UCK2: variants seen among roughly 807,000 people sequenced by gnomAD.
UCK2 encodes the protein uridine-cytidine kinase 2.
A neutral mutation model predicts 30.8 loss-of-function variants in UCK2; 6 were observed. The ratio of observed to expected loss-of-function variants is 0.19; its 90% CI spans 0.11 to 0.38. The LOEUF (loss-of-function observed/expected upper bound fraction) is 0.38. UCK2 is among the 10% of genes least tolerant of loss of function. The pLI, the probability that UCK2 is intolerant of heterozygous loss-of-function variation, is 1.00. For missense variants in UCK2, 210 were observed against 339.8 expected (o/e 0.62, Z 3.00); for synonymous variants, 125 against 133.6 (o/e 0.94, Z 0.45).
chr1:165,891,576 A>C (rs3762365), intron 3 of UCK2: 248,806 of 410,144 alleles, frequency 0.61, 76,034 homozygotes, highest in Admixed American at 0.71. Flanking sequence ...AGGATGGGAT[A>C]GTGATTTCAG....
rs1444687496 is a variant in UCK2, at chr1:165,856,864, A to G, written c.99+28932A>G. ...AGTATTCAGAGCCTGAGAATTAAGG[A>G]TATGTGTTAAATATGGCCCTCATAG... On this transcript the variant is annotated intron_variant, in intron 1 of 6. Transcript: ENST00000367879. 2.0e-5 allele frequency among the ~76,000 whole-genome samples: 3 copies of G among 150,320 alleles called. No homozygotes were observed. The East Asian group carries it at 5.9e-4, about 30-fold the overall frequency.
At chr1:165,872,636 A>G (rs1655224194) in intron 1 of UCK2, among the ~76,000 whole-genome samples, 1 of 152,256 alleles carries the variant, frequency 6.6e-6, no homozygotes, top group Non-Finnish European at 1.5e-5. Context: ...AAGTTGAGAC[A>G]TAATTTATGT....
chr1:165,843,495 C>T (rs552092953), intron 1 of UCK2, among the ~76,000 whole-genome samples: 18 of 152,224 alleles, frequency 1.2e-4, no homozygotes, highest in African/African-American at 4.3e-4. Flanking sequence ...GGATTGATGA[C>T]TCAATGCCTG....
chr1:165,863,895 G>A (rs1420854655), intron 1 of UCK2, among the ~76,000 whole-genome samples: 4 of 152,150 alleles, frequency 2.6e-5, no homozygotes, highest in South Asian at 4.1e-4. Context: ...CTTATATAAC[G>A]TATTTGTTAA....
chr1:165,885,437 C>G, intron 1 of UCK2: 1 of 398,216 alleles, frequency 2.5e-6, no homozygotes, highest in Admixed American at 4.4e-5. Flanking sequence ...TTTGTTTTTT[C>G]CTTTCTTAAA....
At chr1:165,869,502 A>G (rs986527705) in intron 1 of UCK2, among the ~76,000 whole-genome samples, 2 of 151,940 alleles carry the variant, frequency 1.3e-5, no homozygotes, top group Non-Finnish European at 1.5e-5. Context: ...GAGTTCCTAT[A>G]CTGTTTTCTA....
At chr1:165,882,677 A>T (rs1655526872) in intron 1 of UCK2, among the ~76,000 whole-genome samples, 1 of 152,196 alleles carries the variant, frequency 6.6e-6, no homozygotes, top group African/African-American at 2.4e-5. Context: ...GCAGAAGAGC[A>T]GAAGAGAATG....
chr1:165,874,904 G>A (rs925141298), intron 1 of UCK2, among the ~76,000 whole-genome samples: 1 of 152,128 alleles, frequency 6.6e-6, no homozygotes, highest in African/African-American at 2.4e-5. Context: ...GGTACATAAT[G>A]TATGAACACT....
rs78425077 is a variant in UCK2 at position 165,868,498 on chromosome 1, G to A, written c.100-21706G>A. Among the ~76,000 whole-genome samples the A allele has an allele frequency of 9.4e-3, 1,436 of 152,282 alleles. 32 individuals carry two copies. Among genetic ancestry groups the A allele is most frequent in the Admixed American group, 0.051 (773 of 15,284 alleles). On this transcript the variant is annotated intron_variant, in intron 1 of 6. Transcript: ENST00000367879. ...ATCAGTTATTTTAGCTAGATCTTCTGGATAACTTGCTACAGCTTCTACATC... is the reference window on the plus strand; with the variant it reads ...ATCAGTTATTTTAGCTAGATCTTCTAGATAACTTGCTACAGCTTCTACATC...
chr1:165,904,057 T>G (rs1485712916), intron 5 of UCK2: 1 of 152,162 alleles, frequency 6.6e-6, no homozygotes, highest in Non-Finnish European at 1.5e-5. Context: ...GAATTATTTA[T>G]AGTTAAGCTC....
At chr1:165,849,646 T>G (rs957157391) in intron 1 of UCK2, among the ~76,000 whole-genome samples, 3 of 152,226 alleles carry the variant, frequency 2.0e-5, no homozygotes, top group Non-Finnish European at 4.4e-5. Flanking sequence ...AATTTCTGCT[T>G]AAAACAGAGT....
intron 4 of UCK2, among the ~76,000 whole-genome samples, chr1:165,898,331 T>C (rs1325897414): frequency 2.6e-5 from 4 of 152,230 alleles, no homozygotes; most frequent in Non-Finnish European, 4.4e-5. Flanking sequence ...TGATTGGTAC[T>C]TCTGGGATAG....
At chr1:165,842,636 G>A (rs924740548) in intron 1 of UCK2, among the ~76,000 whole-genome samples, 4 of 152,118 alleles carry the variant, frequency 2.6e-5, no homozygotes, top group Admixed American at 2.0e-4. Context: ...TCTTGCCTGG[G>A]TAACTCTCCA....
At chr1:165,877,693 G>A (rs1312305626) in intron 1 of UCK2, among the ~76,000 whole-genome samples, 1 of 152,116 alleles carries the variant, frequency 6.6e-6, no homozygotes, top group Non-Finnish European at 1.5e-5. Context: ...TCTAATTTTT[G>A]GCTCTAACAA....
At chr1:165,881,497 C>T (rs1417682409) in intron 1 of UCK2, among the ~76,000 whole-genome samples, 1 of 152,102 alleles carries the variant, frequency 6.6e-6, no homozygotes, top group African/African-American at 2.4e-5. Context: ...TGAAGCCAGC[C>T]CATCTGACTT....
At chr1:165,906,110 T>C in intron 6 of UCK2, 141 bp downstream of exon 6, 1 of 774,784 alleles carries the variant, frequency 1.3e-6, no homozygotes, top group Non-Finnish European at 2.1e-6. Context: ...GCAGAACCTT[T>C]CCACCTACAC....
intron 4 of UCK2, 70 bp downstream of exon 4, chr1:165,896,402 A>G: frequency 6.4e-7 from 1 of 1,573,336 alleles, no homozygotes; most frequent in Non-Finnish European, 8.7e-7. Flanking sequence ...GGAGCCTGTG[A>G]CAGGACCCCA....
At chr1:165,829,285 A>G (rs1245945387) in intron 1 of UCK2, among the ~76,000 whole-genome samples, 1 of 152,174 alleles carries the variant, frequency 6.6e-6, no homozygotes, top group Non-Finnish European at 1.5e-5. Flanking sequence ...ATTTTTGAGT[A>G]TGTTCTTTAC....
At chr1:165,875,770 A>G (rs555585223) in intron 1 of UCK2, among the ~76,000 whole-genome samples, 19 of 152,342 alleles carry the variant, frequency 1.2e-4, no homozygotes, top group African/African-American at 3.4e-4. Flanking sequence ...GCATGGGGAA[A>G]GAGGTGCGGA....
Sources: gnomAD v4.1 joint callset for allele counts (sites outside exome capture counted in the v4.1 genomes callset) on GRCh38, gnomAD v4.1.1 for gene constraint, MANE v1.5 for transcripts, NCBI Gene and HGNC (gene_info 2026-07-23, HGNC 2026-07-21) for gene names.